PHTF2: variants seen among roughly 807,000 people sequenced by gnomAD.
The protein encoded by PHTF2 is putative homeodomain transcription factor 2.
In PHTF2, 60 loss-of-function variants were observed where a neutral mutation model predicts 101.2. The observed-to-expected ratio is 0.59, with a 90% CI of 0.48 to 0.73. The LOEUF (loss-of-function observed/expected upper bound fraction) is 0.73. Among genes scored for constraint, PHTF2 ranks in the 30% least tolerant of loss-of-function variants. The probability of loss-of-function intolerance (pLI) is 0.00; values close to 1 mark genes in which losing one functional copy is unlikely to be tolerated. For synonymous variants in PHTF2, 311 were observed against 307.3 expected, an observed-to-expected ratio of 1.01 and a Z score of -0.13; for missense variants, 747 against 908.7, an observed-to-expected ratio of 0.82 and a Z score of 2.29.
chr7:77,953,353 C>G (rs1381787682), intron 18 of PHTF2, among the ~76,000 whole-genome samples: 1 of 152,152 alleles, frequency 6.6e-6, no homozygotes, highest in Non-Finnish European at 1.5e-5. Context: ...TTAATTAATA[C>G]ATGTATTTGA....
intron 1 of PHTF2, among the ~76,000 whole-genome samples, chr7:77,839,432 GTA>G (rs1795704792): frequency 6.6e-6 from 1 of 152,106 alleles, no homozygotes; most frequent in Non-Finnish European, 1.5e-5. Context: ...ATGGTTTTTG[GTA>G]TTTGTCTTAG....
chr7:77,900,736 C>T (rs753149491), exon 6 of PHTF2: 2 of 1,577,032 alleles, frequency 1.3e-6, no homozygotes, highest in Non-Finnish European at 1.7e-6. Flanking sequence ...CCAAAGAAAA[C>T]AGCACATGTG....
At chr7:77,891,912 A>G (rs571836090) in intron 3 of PHTF2, among the ~76,000 whole-genome samples, 8 of 152,280 alleles carry the variant, frequency 5.3e-5, no homozygotes, top group African/African-American at 1.4e-4. Flanking sequence ...AAAATAAAAG[A>G]GTCACAGGAA....
chr7:77,906,934 TAA>T (rs10694050), intron 7 of PHTF2, among the ~76,000 whole-genome samples: 16 of 118,842 alleles, frequency 1.3e-4, no homozygotes, highest in Admixed American at 2.6e-4. Flanking sequence ...TAATGGTAGC[TAA>T]AAAAAAAAAA....
At chr7:77,903,547 T>G (rs1038848414) in intron 7 of PHTF2, among the ~76,000 whole-genome samples, 1 of 152,242 alleles carries the variant, frequency 6.6e-6, no homozygotes, top group Non-Finnish European at 1.5e-5. Context: ...TGTCTGAAAT[T>G]TACTTACTGG....
intron 12 of PHTF2, 80 bp from the exon 12 acceptor site, chr7:77,937,630 A>AT (rs1805258900): frequency 2.2e-6 from 1 of 446,070 alleles, no homozygotes; most frequent in East Asian, 3.9e-5. Context: ...GTATATAGAG[A>AT]TATATATACA....
intron 1 of PHTF2, among the ~76,000 whole-genome samples, chr7:77,832,332 A>G (rs756126384): frequency 6.6e-6 from 1 of 152,200 alleles, no homozygotes; most frequent in Non-Finnish European, 1.5e-5. Context: ...ATGATCACCT[A>G]TCTCAGCTTT....
intron 7 of PHTF2, among the ~76,000 whole-genome samples, chr7:77,907,181 A>G (rs1362918444): frequency 6.6e-6 from 1 of 152,212 alleles, no homozygotes; most frequent in Non-Finnish European, 1.5e-5. Context: ...TCTGCTTTTC[A>G]AAATTCCAGA....
chr7:77,922,897 A>C (rs1803615835), intron 11 of PHTF2, 119 bp downstream of exon 10: 2 of 1,287,362 alleles, frequency 1.6e-6, no homozygotes, highest in Non-Finnish European at 2.1e-6. Context: ...ATCAATATTT[A>C]TTATTGTTGT....
chr7:77,869,255 A>G (rs1197525149), intron 3 of PHTF2, among the ~76,000 whole-genome samples: 1 of 152,220 alleles, frequency 6.6e-6, no homozygotes, highest in African/African-American at 2.4e-5. Context: ...ATTACCTCAA[A>G]CATTTATCAT....
intron 1 of PHTF2, among the ~76,000 whole-genome samples, chr7:77,830,903 T>G (rs1018263921): frequency 5.3e-5 from 8 of 152,210 alleles, no homozygotes; most frequent in African/African-American, 1.7e-4. Flanking sequence ...CAGTCACAGA[T>G]TTGGTTAAGC....
At chr7:77,911,936 T>G (rs1562941617) in intron 9 of PHTF2, among the ~76,000 whole-genome samples, 1 of 152,244 alleles carries the variant, frequency 6.6e-6, no homozygotes. Context: ...ATTTAGTCAC[T>G]GCAAAGTCAG....
At chr7:77,826,847 G>T (rs1269367862) in intron 1 of PHTF2, among the ~76,000 whole-genome samples, 1 of 152,190 alleles carries the variant, frequency 6.6e-6, no homozygotes, top group Non-Finnish European at 1.5e-5. Flanking sequence ...AGAGCACAGA[G>T]AATATAGCAC....
At chr7:77,942,716 G>A (rs751987641) in exon 16 of PHTF2, 3 of 1,597,436 alleles carry the variant, frequency 1.9e-6, no homozygotes, top group Non-Finnish European at 1.7e-6. Context: ...GGTCCTCAGC[G>A]ATCAGTTGAT....
At chr7:77,865,079 G>A (rs927097746) in intron 3 of PHTF2, among the ~76,000 whole-genome samples, 1 of 152,012 alleles carries the variant, frequency 6.6e-6, no homozygotes, top group African/African-American at 2.4e-5. Context: ...AATTTGAAAT[G>A]GGAGCAATTG....
At chr7:77,938,164 ATTG>A (rs1221472545) in intron 13 of PHTF2, among the ~76,000 whole-genome samples, 5 of 152,232 alleles carry the variant, frequency 3.3e-5, no homozygotes, top group Middle Eastern at 6.8e-3. Context: ...TGGACTAGAG[ATTG>A]TTGTTACAAG....
chr7:77,899,094 T>C (rs1260119266), intron 5 of PHTF2, among the ~76,000 whole-genome samples: 2 of 152,194 alleles, frequency 1.3e-5, no homozygotes, highest in African/African-American at 4.8e-5. Context: ...TGAGCCACTG[T>C]GCCTGGGTGA....
intron 7 of PHTF2, among the ~76,000 whole-genome samples, chr7:77,903,929 GT>G (rs139251593): frequency 5.3e-5 from 8 of 152,006 alleles, no homozygotes; most frequent in Non-Finnish European, 1.0e-4. Context: ...ACTATGTATA[GT>G]TTTTTTTATT....
chr7:77,907,603 C>G (rs966283958), intron 7 of PHTF2, among the ~76,000 whole-genome samples: 1 of 152,132 alleles, frequency 6.6e-6, no homozygotes, highest in Non-Finnish European at 1.5e-5. Context: ...CTTTCACTCT[C>G]AAAAGTGTCT....
Sources: gnomAD v4.1 joint callset for allele counts (sites outside exome capture counted in the v4.1 genomes callset) on GRCh38, gnomAD v4.1.1 for gene constraint, MANE v1.5 for transcripts, NCBI Gene and HGNC (gene_info 2026-07-23, HGNC 2026-07-21) for gene names.